The following GLG1 variants were observed in gnomAD, a reference collection of about 807,000 sequenced individuals.
GLG1 encodes Golgi apparatus protein 1.
Under a neutral mutation model 160.5 loss-of-function variants are expected in GLG1, and 38 were observed. That is an observed-to-expected ratio of 0.24 (90% CI 0.18 to 0.31). The LOEUF (loss-of-function observed/expected upper bound fraction) is 0.31, where lower values mean the gene tolerates loss of function less well. Ranked by LOEUF, GLG1 falls within the 10% of genes least tolerant of loss-of-function variation. GLG1 has a pLI of 1.00. For missense variants in GLG1, 1,373 were observed against 1,505.2 expected (o/e 0.91, Z 1.45); for synonymous variants, 644 against 543.4 (o/e 1.19, Z -2.57).
chr16:74,603,000 G>C (rs1021143655), intron 1 of GLG1, among the ~76,000 whole-genome samples: 2 of 150,130 alleles, frequency 1.3e-5, no homozygotes, highest in African/African-American at 4.9e-5. Context: ...TGAGACAGGA[G>C]AATCACTTGA....
intron 2 of GLG1, among the ~76,000 whole-genome samples, chr16:74,529,812 C>CTTTTTT (rs1178684020): frequency 1.6e-4 from 19 of 115,764 alleles, no homozygotes; most frequent in South Asian, 2.8e-4. Context: ...TTTGAGAGTT[C>CTTTTTT]TTTTTTTTTT....
chr16:74,452,351 T>TC lies in GLG1; in HGVS notation c.*815dup. On this transcript the variant is annotated 3_prime_UTR_variant, in exon 26 of 26. Transcript: ENST00000422840. The stretch of plus-strand genomic sequence containing the variant: ...TCCTGGGATCCTGCTGCCCCGGGAC[T>TC]CAGGATCCAGCCTCTCAGTGCAGAT... 7.3e-7 allele frequency: 1 copy of TC among 1,371,510 alleles called. No homozygotes were observed. The allele number at this position is 1,371,510 out of a possible 1,614,324, so 85.0% of individuals were successfully genotyped here. A position where few individuals can be genotyped will look rare whatever the true frequency, so the allele number is the denominator to read the frequency against.
intron 1 of GLG1, among the ~76,000 whole-genome samples, chr16:74,546,767 A>G (rs1204148021): frequency 7.5e-6 from 1 of 132,632 alleles, no homozygotes; most frequent in Non-Finnish European, 1.5e-5. Context: ...GAACCTGGGA[A>G]GCGGAGGTTG....
Position 74,493,006 on chromosome 16 carries a change from T to G in GLG1, c.1185A>C (p.Glu395Asp), listed in dbSNP as rs1311134046. The G allele has an allele frequency of 1.2e-6, 2 of 1,614,002 alleles. No homozygotes were observed. Among genetic ancestry groups the G allele is most frequent in the South Asian group, 2.2e-5 (2 of 91,078 alleles). Residue 395 changes from glutamate to aspartate, a missense_variant, in exon 7 of 26, where the codon GAA becomes GAC. Coordinates refer to ENST00000422840, the MANE Select transcript of GLG1 (RefSeq NM_001145667.2). ...ACATTAACAAGTAGGAGAGCCTGGC[T>G]TCACGCGATCGCGGAAGGTTTTCCA... ...CNVENLPRSR[E>D]ARLSYLLMCL...
intron 23 of GLG1, among the ~76,000 whole-genome samples, chr16:74,458,671 C>G (rs1475773470): frequency 6.6e-6 from 1 of 152,110 alleles, no homozygotes; most frequent in African/African-American, 2.4e-5. Context: ...GTGACCCTAT[C>G]TCAAAGAAAA....
At chr16:74,554,868 C>T (rs2018309886) in intron 1 of GLG1, among the ~76,000 whole-genome samples, 3 of 152,130 alleles carry the variant, frequency 2.0e-5, no homozygotes, top group Admixed American at 1.3e-4. Context: ...GATGTAACTG[C>T]AGCCAAACAT....
chr16:74,572,613 G>C (rs949880082), intron 1 of GLG1, among the ~76,000 whole-genome samples: 1 of 151,884 alleles, frequency 6.6e-6, no homozygotes, highest in East Asian at 1.9e-4. Context: ...AGAGTGGCCT[G>C]CCTGGAGAGG....
chr16:74,592,827 C>T (rs1374484709), intron 1 of GLG1, among the ~76,000 whole-genome samples: 1 of 152,140 alleles, frequency 6.6e-6, no homozygotes, highest in Non-Finnish European at 1.5e-5. Flanking sequence ...CAGCAAATGG[C>T]TGCTATCGTT....
chr16:74,516,114 T>C (rs2016969953), intron 2 of GLG1, among the ~76,000 whole-genome samples: 1 of 151,640 alleles, frequency 6.6e-6, no homozygotes. Flanking sequence ...TGGGAGACTT[T>C]AACACCACAC....
In GLG1 at chr16:74,497,243, C is replaced by A. The variant is rs1367775168; in HGVS notation, c.775-599G>T. Among the ~76,000 whole-genome samples, 5 of 149,932 alleles carry A rather than the reference C, an allele frequency of 3.3e-5. No homozygotes were observed. In the East Asian group the frequency reaches 6.2e-4, roughly 19 times the overall value. On this transcript the variant is annotated intron_variant, in intron 4 of 25. Coordinates refer to ENST00000422840, the MANE Select transcript of GLG1 (RefSeq NM_001145667.2). ...GGCGGAGGTTGCAGTGAGCCGAGAT[C>A]GTGCCACTGCACTCCAGCCTGGGCG...
At chr16:74,506,581 C>CAAAAAAAAAAAAAAAAAAAAA (rs56175030) in intron 3 of GLG1, among the ~76,000 whole-genome samples, 1 of 39,052 alleles carries the variant, frequency 2.6e-5, no homozygotes, top group African/African-American at 1.1e-4. Flanking sequence ...GACTCCGTCT[C>CAAAAAAAAAAAAAAAAAAAAA]AAAAAAAAAA....
At chr16:74,487,236 G>A (rs375287387) in intron 8 of GLG1, among the ~76,000 whole-genome samples, 62 of 152,168 alleles carry the variant, frequency 4.1e-4, no homozygotes, top group African/African-American at 1.4e-3. Context: ...AATAGAAAGC[G>A]AATTTGAAAA....
chr16:74,481,044 G>C (rs962432535), intron 10 of GLG1, among the ~76,000 whole-genome samples: 2 of 152,094 alleles, frequency 1.3e-5, no homozygotes, highest in Admixed American at 6.6e-5. Flanking sequence ...CAGAAAACTA[G>C]AGTTATAGCC....
At position 74,465,810 on chromosome 16, in the gene GLG1, T is replaced by C; in HGVS notation, c.2533A>G (p.Ile845Val). ...SAVQYGNAQI[I>V]ECLKENKKQL... The stretch of plus-strand genomic sequence containing the variant: ...TTCTTGTTTTCTTTCAGACATTCGA[T>C]AATCTATGGCAAAAGAGTTATAGTC... The change falls in exon 19 of 26, where the codon ATC (isoleucine) becomes GTC (valine). Residue 845 changes from isoleucine (I) to valine (V), a missense_variant. Ile to Val is a conservative substitution (Grantham distance 29). Around this residue, in one of 4 missense-constraint regions of GLG1, gnomAD observed 491 missense variants for 632.1 expected, o/e 0.78. Transcript: ENST00000422840. 6.2e-7 allele frequency: 1 copy of C among 1,613,642 alleles called. No homozygotes were observed. Among genetic ancestry groups the C allele is most frequent in the Non-Finnish European group, 8.5e-7 (1 of 1,179,594 alleles).
At chr16:74,464,169 G>T (rs2014914618) in intron 19 of GLG1, among the ~76,000 whole-genome samples, 1 of 152,088 alleles carries the variant, frequency 6.6e-6, no homozygotes, top group African/African-American at 2.4e-5. Flanking sequence ...CACAGGATTG[G>T]TTCCCTATCT....
chr16:74,520,803 T>C (rs2017139601), intron 2 of GLG1, among the ~76,000 whole-genome samples: 1 of 152,204 alleles, frequency 6.6e-6, no homozygotes, highest in Non-Finnish European at 1.5e-5. Flanking sequence ...ATTACTCAAA[T>C]TGCCACTACT....
chr16:74,592,686 T>A (rs369005963), intron 1 of GLG1, among the ~76,000 whole-genome samples: 3 of 152,208 alleles, frequency 2.0e-5, no homozygotes, highest in Non-Finnish European at 4.4e-5. Context: ...AGGGTTTGAA[T>A]CCAGGACTGC....
intron 25 of GLG1, among the ~76,000 whole-genome samples, chr16:74,455,749 A>G (rs999546196): frequency 6.6e-6 from 1 of 152,188 alleles, no homozygotes; most frequent in African/African-American, 2.4e-5. Context: ...AGTCAATACA[A>G]AAGCATGGCT....
chr16:74,452,669 A>G lies in GLG1; in HGVS notation c.*498T>C, dbSNP rs1261270104. 1.0e-6 allele frequency: 1 copy of G among 995,560 alleles called. No homozygotes were observed. The allele number at this position is 995,560 out of a possible 1,614,324, so 61.7% of individuals were successfully genotyped here. A position where few individuals can be genotyped will look rare whatever the true frequency, so the allele number is the denominator to read the frequency against. Reference sequence around the variant, plus strand: ...TTCTGAGAGATGAACGAGACACCTCAGTCATGGCACACTGGGTGGTGTGCT... The same window carrying G: ...TTCTGAGAGATGAACGAGACACCTCGGTCATGGCACACTGGGTGGTGTGCT... On this transcript the variant is annotated 3_prime_UTR_variant, in exon 26 of 26. Coordinates refer to ENST00000422840, the MANE Select transcript of GLG1 (RefSeq NM_001145667.2).
Sources: allele counts gnomAD v4.1 joint callset (sites outside exome capture counted in the v4.1 genomes callset), GRCh38; gene constraint gnomAD v4.1.1; regional missense constraint gnomAD v4.1.1; transcripts MANE v1.5; gene names NCBI Gene and HGNC (gene_info 2026-07-23, HGNC 2026-07-21).